The following CADPS variants were observed in gnomAD, a reference collection of about 807,000 sequenced individuals.
CADPS encodes the protein calcium dependent secretion activator.
CADPS carries 57 observed loss-of-function variants against 167.3 expected under a neutral mutation model. The observed-to-expected ratio is 0.34, with a 90% CI of 0.28 to 0.42. The LOEUF is 0.42. CADPS is among the 20% of genes least tolerant of loss of function. CADPS has a pLI of 1.00. For missense variants in CADPS, 1,414 were observed against 1,738.1 expected (o/e 0.81, Z 3.32); for synonymous variants, 676 against 635.3 (o/e 1.06, Z -0.96).
chr3:62,632,760 G>C (rs1254225315), intron 6 of CADPS, among the ~76,000 whole-genome samples: 1 of 152,066 alleles, frequency 6.6e-6, no homozygotes, highest in Non-Finnish European at 1.5e-5. Flanking sequence ...ATCTAGAAGG[G>C]GAAGGGAATG....
chr3:62,701,653 T>C (rs1201052715), intron 3 of CADPS, among the ~76,000 whole-genome samples: 1 of 148,048 alleles, frequency 6.8e-6, no homozygotes, highest in Admixed American at 6.7e-5. Flanking sequence ...AAAGAAAAGA[T>C]GCCCTGTTTG....
chr3:62,453,161 T>G (rs1182177425), intron 26 of CADPS, among the ~76,000 whole-genome samples: 1 of 151,908 alleles, frequency 6.6e-6, no homozygotes, highest in Non-Finnish European at 1.5e-5. Context: ...AACAATATAA[T>G]AATAGTACTT....
chr3:62,648,510 C>T (rs1051032912), intron 5 of CADPS, among the ~76,000 whole-genome samples: 2 of 151,436 alleles, frequency 1.3e-5, no homozygotes, highest in African/African-American at 4.9e-5. Context: ...GGCAAAACCC[C>T]ATCTCTACAA....
intron 9 of CADPS, among the ~76,000 whole-genome samples, chr3:62,564,247 C>T (rs1482895012): frequency 2.0e-5 from 3 of 151,966 alleles, no homozygotes; most frequent in East Asian, 3.9e-4. Flanking sequence ...ATGATCCACC[C>T]GCCTCAGCCT....
At position 62,601,098 on chromosome 3, in the gene CADPS, C is replaced by T. The variant is rs145068523; in HGVS notation, c.1326-8350G>A. On this transcript the variant is annotated intron_variant, in intron 6 of 29. Coordinates refer to ENST00000383710, the MANE Select transcript of CADPS (RefSeq NM_003716.4). This position sits in a 1 kb window ranked among gnomAD's most constrained non-coding sequence, Gnocchi z 4.3. The stretch of plus-strand genomic sequence containing the variant: ...AAGTCTTCATTTTAGGATTATAGAC[C>T]AGGGGTTGTTAAACTATGGCCATGG... Among the ~76,000 whole-genome samples the T allele has an allele frequency of 5.2e-3, 795 of 152,142 alleles. 2 individuals are homozygous for T. The highest frequency in any genetic ancestry group is 0.014 in the Middle Eastern group (4 of 294).
intron 23 of CADPS, among the ~76,000 whole-genome samples, chr3:62,476,826 AC>A (rs2061385932): frequency 6.6e-6 from 1 of 152,140 alleles, no homozygotes; most frequent in South Asian, 2.1e-4. Flanking sequence ...AGGACAGATC[AC>A]GCAAAAAGTT....
At chr3:62,745,481 C>A (rs941278184) in intron 3 of CADPS, among the ~76,000 whole-genome samples, 2 of 152,168 alleles carry the variant, frequency 1.3e-5, no homozygotes, top group African/African-American at 4.8e-5. Flanking sequence ...CTAATGACTT[C>A]TAGGGGCAGT....
chr3:62,540,638 T>G (rs1426056426), intron 11 of CADPS, among the ~76,000 whole-genome samples: 1 of 152,144 alleles, frequency 6.6e-6, no homozygotes, highest in Non-Finnish European at 1.5e-5. Flanking sequence ...TGCCTGTGTC[T>G]CCATACATGT....
At chr3:62,619,531 C>T (rs771905553) in intron 6 of CADPS, among the ~76,000 whole-genome samples, 11 of 152,112 alleles carry the variant, frequency 7.2e-5, no homozygotes, top group Non-Finnish European at 1.5e-4. Context: ...CTTGAAAAAA[C>T]ATGGCATGAA....
intron 13 of CADPS, among the ~76,000 whole-genome samples, chr3:62,522,805 C>CAG (rs2071028295): frequency 6.6e-6 from 1 of 152,112 alleles, no homozygotes; most frequent in South Asian, 2.1e-4. Flanking sequence ...TAACAACTCG[C>CAG]TTCTTTTATA....
intron 3 of CADPS, among the ~76,000 whole-genome samples, chr3:62,692,451 G>T (rs2079338572): frequency 6.6e-6 from 1 of 152,032 alleles, no homozygotes; most frequent in African/African-American, 2.4e-5. Context: ...CCTCAGAATT[G>T]CTCACCACAA....
intron 1 of CADPS, among the ~76,000 whole-genome samples, chr3:62,844,066 G>A (rs1354046557): frequency 2.0e-5 from 3 of 152,072 alleles, no homozygotes; most frequent in Non-Finnish European, 2.9e-5. Flanking sequence ...TTCTCTAGAG[G>A]AGTGATTATT....
At chr3:62,709,779 A>AT (rs902147851) in intron 3 of CADPS, among the ~76,000 whole-genome samples, 7 of 151,372 alleles carry the variant, frequency 4.6e-5, no homozygotes, top group East Asian at 1.9e-4. Context: ...TGTATTTATT[A>AT]TTTTTTTTGA....
intron 6 of CADPS, among the ~76,000 whole-genome samples, chr3:62,599,704 A>AG (rs2059486152): frequency 3.0e-5 from 1 of 32,842 alleles, no homozygotes; most frequent in African/African-American, 1.3e-4. Flanking sequence ...TAATATATAT[A>AG]TTATATAATA....
intron 3 of CADPS, among the ~76,000 whole-genome samples, chr3:62,667,942 G>T (rs2074779646): frequency 6.6e-6 from 1 of 152,144 alleles, no homozygotes; most frequent in Non-Finnish European, 1.5e-5. Context: ...CTCCTTATTA[G>T]CTTCAGAGGC....
At chr3:62,871,956 C>T (rs542778391) in intron 1 of CADPS, among the ~76,000 whole-genome samples, 128 of 152,268 alleles carry the variant, frequency 8.4e-4, no homozygotes, top group South Asian at 6.2e-3. Flanking sequence ...ATAGTAGATA[C>T]TTGAAAAAGT....
chr3:62,529,631 C>T (rs2073183562), intron 13 of CADPS, among the ~76,000 whole-genome samples: 1 of 152,162 alleles, frequency 6.6e-6, no homozygotes, highest in African/African-American at 2.4e-5. Flanking sequence ...GATGGATGGC[C>T]ACATGGAATC....
intron 13 of CADPS, among the ~76,000 whole-genome samples, chr3:62,523,001 G>A (rs887592876): frequency 5.3e-5 from 8 of 151,960 alleles, no homozygotes; most frequent in African/African-American, 1.5e-4. Flanking sequence ...TCAAGTTTTC[G>A]GCAAACCATT....
At position 62,864,505 on chromosome 3, in the gene CADPS, G is replaced by C. The variant is rs137875420; in HGVS notation, c.441+10084C>G. Reference sequence around the variant, plus strand: ...GGCTCCTTCTGAGGCGTAAGAATCTGTTCCATGCCTCTCCCCTAGTTTCTG... The same window carrying C: ...GGCTCCTTCTGAGGCGTAAGAATCTCTTCCATGCCTCTCCCCTAGTTTCTG... On this transcript the variant is annotated intron_variant, in intron 1 of 29. Coordinates refer to ENST00000383710, the MANE Select transcript of CADPS (RefSeq NM_003716.4). 3.3e-5 allele frequency among the ~76,000 whole-genome samples: 5 copies of C among 152,264 alleles called. No homozygotes were observed. The East Asian group carries it at 9.7e-4, about 29-fold the overall frequency.
Sources: allele counts gnomAD v4.1 joint callset (sites outside exome capture counted in the v4.1 genomes callset), GRCh38; gene constraint gnomAD v4.1.1; non-coding constraint Gnocchi (gnomAD v3.1); transcripts MANE v1.5; gene names NCBI Gene and HGNC (gene_info 2026-07-23, HGNC 2026-07-21).